MEI4: variants seen among roughly 807,000 people sequenced by gnomAD.
MEI4 encodes meiotic double-stranded break formation protein 4, also known as meiosis-specific protein MEI4.
In MEI4, 27 loss-of-function variants were observed where a neutral mutation model predicts 31.4. That is an observed-to-expected ratio of 0.86 (90% confidence interval 0.63 to 1.19). The LOEUF (loss-of-function observed/expected upper bound fraction) is 1.19, where lower values mean the gene tolerates loss of function less well. Among genes scored for constraint, MEI4 ranks in the 50% most tolerant of loss-of-function variants. The pLI is 0.00. For synonymous variants in MEI4, 122 were observed against 145.4 expected (o/e 0.84, Z 1.16); for missense variants, 329 against 398.9 (o/e 0.82, Z 1.49).
At chr6:77,696,802 C>T (rs1387040666) in intron 2 of MEI4, among the ~76,000 whole-genome samples, 3 of 151,988 alleles carry the variant, frequency 2.0e-5, no homozygotes, top group Non-Finnish European at 4.4e-5. Context: ...GGAGGATTCC[C>T]TCTTTTTCTA....
Position 77,835,504 on chromosome 6 carries a change from A to G in MEI4, c.900+6442A>G, listed in dbSNP as rs1049204129. The stretch of plus-strand genomic sequence containing the variant: ...GGTGATTTAACATGAATGATACTCA[A>G]TCTCATGGTACCAAGTAAATGCAAA... On this transcript the variant is annotated intron_variant, in intron 4 of 4. Coordinates refer to ENST00000684080, the MANE Select transcript of MEI4 (RefSeq NM_001322247.2). Among the ~76,000 whole-genome samples the G allele has an allele frequency of 3.9e-5, 6 of 152,048 alleles. 1 individual carries two copies. Among genetic ancestry groups the G allele is most frequent in the Admixed American group, 3.3e-4 (5 of 15,260 alleles).
intron 3 of MEI4, among the ~76,000 whole-genome samples, chr6:77,790,094 T>C (rs1434079351): frequency 6.6e-6 from 1 of 151,984 alleles, no homozygotes. Context: ...GATGAGTTCA[T>C]GTCCTTTGTA....
chr6:77,739,683 T>C (rs944999577), intron 2 of MEI4, among the ~76,000 whole-genome samples: 1 of 151,938 alleles, frequency 6.6e-6, no homozygotes, highest in Non-Finnish European at 1.5e-5. Flanking sequence ...TGTATACCTA[T>C]GTAACAAACC....
chr6:77,741,677 G>A (rs1008749693), intron 2 of MEI4, among the ~76,000 whole-genome samples: 94 of 151,326 alleles, frequency 6.2e-4, no homozygotes, highest in African/African-American at 1.6e-3. Context: ...GTGCAGGTTA[G>A]TTACATATGT....
chr6:77,924,612 A>C lies in MEI4; in HGVS notation c.*1266A>C, dbSNP rs1047226471. ...CTGAGGTTGCACATACCACAGGAATAGGCTTCTTGCTAAAAGTCAGGCTTT... is the reference window on the plus strand; with the variant it reads ...CTGAGGTTGCACATACCACAGGAATCGGCTTCTTGCTAAAAGTCAGGCTTT... On this transcript the variant is annotated 3_prime_UTR_variant, in exon 5 of 5. Coordinates refer to ENST00000684080, the MANE Select transcript of MEI4 (RefSeq NM_001322247.2). 1 of 151,842 alleles carries C rather than the reference A, an allele frequency of 6.6e-6. No individual in the cohort carries two copies. The highest frequency in any genetic ancestry group is 2.4e-5 in the African/African-American group (1 of 41,390). 9.4% of individuals were successfully genotyped at this position (151,842 alleles called of 1,614,324 possible).
chr6:77,779,767 A>C (rs1285702757), intron 3 of MEI4, among the ~76,000 whole-genome samples: 1 of 152,170 alleles, frequency 6.6e-6, no homozygotes, highest in Non-Finnish European at 1.5e-5. Context: ...GGAAACTCTT[A>C]GAAACAGACA....
chr6:77,751,112 A>T (rs1561974307), intron 2 of MEI4, among the ~76,000 whole-genome samples: 1 of 152,198 alleles, frequency 6.6e-6, no homozygotes, highest in Non-Finnish European at 1.5e-5. Flanking sequence ...AGACACATTT[A>T]AAACAGTGTG....
chr6:77,899,452 C>A (rs1318508525), intron 4 of MEI4, among the ~76,000 whole-genome samples: 11 of 152,052 alleles, frequency 7.2e-5, no homozygotes, highest in African/African-American at 2.4e-4. Flanking sequence ...TCCTGTCCAG[C>A]TTTTATCCAA....
intron 3 of MEI4, among the ~76,000 whole-genome samples, chr6:77,825,600 C>CT (rs1489894671): frequency 1.3e-5 from 2 of 152,162 alleles, no homozygotes; most frequent in Non-Finnish European, 2.9e-5. Context: ...TTATCTTTAG[C>CT]TTAAATCGGG....
At chr6:77,916,109 C>A (rs1276461484) in intron 4 of MEI4, among the ~76,000 whole-genome samples, 3 of 151,080 alleles carry the variant, frequency 2.0e-5, no homozygotes, top group East Asian at 3.9e-4. Context: ...AATTTAAGTT[C>A]TTTTTAATGC....
At chr6:77,811,645 G>C (rs1769576022) in intron 3 of MEI4, among the ~76,000 whole-genome samples, 1 of 151,764 alleles carries the variant, frequency 6.6e-6, no homozygotes, top group South Asian at 2.1e-4. Context: ...TGTGGTGGTG[G>C]ACACCTTTAA....
chr6:77,734,470 T>G (rs1013184649), intron 2 of MEI4, among the ~76,000 whole-genome samples: 1 of 152,050 alleles, frequency 6.6e-6, no homozygotes, highest in Admixed American at 6.5e-5. Flanking sequence ...CCCTGCCTTT[T>G]TTTGTTTTCC....
intron 3 of MEI4, among the ~76,000 whole-genome samples, chr6:77,817,201 T>C (rs1315501551): frequency 6.6e-6 from 1 of 152,126 alleles, no homozygotes; most frequent in Non-Finnish European, 1.5e-5. Flanking sequence ...TTCTACTTTA[T>C]AGGTTAGGTT....
At chr6:77,854,997 G>T (rs567030925) in intron 4 of MEI4, among the ~76,000 whole-genome samples, 1 of 150,914 alleles carries the variant, frequency 6.6e-6, no homozygotes. Flanking sequence ...GGAGGGGGGC[G>T]GTTAGCCCTT....
intron 1 of MEI4, among the ~76,000 whole-genome samples, chr6:77,682,187 A>G (rs943984405): frequency 6.6e-6 from 1 of 152,210 alleles, no homozygotes; most frequent in Non-Finnish European, 1.5e-5. Context: ...ATCATGATAC[A>G]TGAGGACTTC....
chr6:77,786,062 T>A (rs1025989760), intron 3 of MEI4, among the ~76,000 whole-genome samples: 1 of 152,166 alleles, frequency 6.6e-6, no homozygotes, highest in African/African-American at 2.4e-5. Flanking sequence ...GCCTTTCAGG[T>A]ATCCACTATT....
intron 4 of MEI4, among the ~76,000 whole-genome samples, chr6:77,854,947 G>A (rs551195913): frequency 1.9e-4 from 25 of 128,400 alleles, no homozygotes; most frequent in Middle Eastern, 5.5e-3. Context: ...ATCAACTTAT[G>A]CTATCCCCAA....
chr6:77,891,420 ATTTGAT>A (rs2127732180), intron 4 of MEI4, among the ~76,000 whole-genome samples: 1 of 151,798 alleles, frequency 6.6e-6, no homozygotes, highest in South Asian at 2.1e-4. Flanking sequence ...GTCTTTTGTG[ATTTGAT>A]TTTATTTATT....
chr6:77,869,974 C>T (rs1011275810), intron 4 of MEI4, among the ~76,000 whole-genome samples: 3 of 152,042 alleles, frequency 2.0e-5, no homozygotes, highest in East Asian at 1.9e-4. Flanking sequence ...CCTGGACATT[C>T]CCTCTTGTCA....
Sources: gnomAD v4.1 joint callset for allele counts (sites outside exome capture counted in the v4.1 genomes callset) on GRCh38, gnomAD v4.1.1 for gene constraint, MANE v1.5 for transcripts, NCBI Gene and HGNC (gene_info 2026-07-23, HGNC 2026-07-21) for gene names.